The following WLS variants were observed in gnomAD, a reference collection of about 807,000 sequenced individuals.
The protein encoded by WLS is Wnt ligand secretion mediator.
In WLS, 23 loss-of-function variants were observed where a neutral mutation model predicts 62.8. That is an observed-to-expected ratio of 0.37 (90% CI 0.26 to 0.52). WLS has a LOEUF of 0.52. WLS is among the 20% of genes least tolerant of loss of function. The pLI is 0.92. For missense variants in WLS, 615 were observed against 697.3 expected (o/e 0.88, Z 1.33); for synonymous variants, 246 against 244.1 (o/e 1.01, Z -0.07).
At chr1:68,191,555 C>T (rs916428959) in intron 2 of WLS, among the ~76,000 whole-genome samples, 1 of 152,140 alleles carries the variant, frequency 6.6e-6, no homozygotes, top group Non-Finnish European at 1.5e-5. Context: ...GTTTTCCAGG[C>T]ACCCTCTTCC....
intron 2 of WLS, chr1:68,162,460 G>C (rs1216816569): frequency 6.2e-7 from 1 of 1,613,766 alleles, no homozygotes; most frequent in African/African-American, 1.3e-5. Flanking sequence ...CTGCAAGTAG[G>C]GGTCATAAAA....
chr1:68,155,030 A>G, intron 4 of WLS, 69 bp downstream of exon 4: 1 of 1,525,098 alleles, frequency 6.6e-7, no homozygotes, highest in African/African-American at 1.4e-5. Flanking sequence ...CAGGTGAGGC[A>G]TAGAGGTGCC....
chr1:68,210,047 A>G (rs1239335346), intron 1 of WLS, among the ~76,000 whole-genome samples: 1 of 152,182 alleles, frequency 6.6e-6, no homozygotes, highest in African/African-American at 2.4e-5. Flanking sequence ...TGTATGGACT[A>G]TTGTAGAGGT....
intron 2 of WLS, among the ~76,000 whole-genome samples, chr1:68,180,037 A>AGG (rs201495851): frequency 0.038 from 5,713 of 152,044 alleles, 346 homozygotes; most frequent in African/African-American, 0.13. Context: ...GGGGAAGTTA[A>AGG]GGCCAAGTTC....
intron 2 of WLS, among the ~76,000 whole-genome samples, chr1:68,182,055 T>A (rs1215344316): frequency 6.6e-6 from 1 of 152,222 alleles, no homozygotes; most frequent in African/African-American, 2.4e-5. Context: ...TTGTTAAGAC[T>A]AGAGACTAAT....
At position 68,152,511 on chromosome 1, in the gene WLS, C is replaced by G. The variant is rs376271651; in HGVS notation, c.803+1006G>C. ...GGAGACTCTGGGAAGAAAAACTGAT[C>G]AATTATGTCAGATGCTGGGATGAAT... On this transcript the variant is annotated intron_variant, in intron 5 of 11. Transcript: ENST00000262348. Among the ~76,000 whole-genome samples the G allele has an allele frequency of 3.9e-5, 6 of 151,960 alleles. No homozygotes were observed. In the East Asian group the frequency reaches 7.7e-4, roughly 20 times the overall value.
At chr1:68,143,698 A>T (rs989704511) in intron 10 of WLS, among the ~76,000 whole-genome samples, 8 of 152,198 alleles carry the variant, frequency 5.3e-5, no homozygotes, top group Non-Finnish European at 8.8e-5. Flanking sequence ...TTGTGTAAGT[A>T]CACTCTATGA....
Position 68,206,556 on chromosome 1 carries a change from T to C in WLS, c.107-12329A>G, listed in dbSNP as rs559677073. On this transcript the variant is annotated intron_variant, in intron 1 of 11. Coordinates refer to ENST00000262348, the MANE Select transcript of WLS (RefSeq NM_024911.7). ...GGTCTTTGTTATCATTATTATTCTATGGGCATTCTTCATATATAATATTTA... is the reference window on the plus strand; with the variant it reads ...GGTCTTTGTTATCATTATTATTCTACGGGCATTCTTCATATATAATATTTA... Among the ~76,000 whole-genome samples, 3 of 152,324 alleles carry C rather than the reference T, an allele frequency of 2.0e-5. No individual in the cohort carries two copies. The South Asian group carries it at 6.2e-4, about 32-fold the overall frequency.
At chr1:68,104,444 T>A (rs1344212664) in intron 11 of WLS, among the ~76,000 whole-genome samples, 1 of 152,166 alleles carries the variant, frequency 6.6e-6, no homozygotes, top group African/African-American at 2.4e-5. Flanking sequence ...TGCTGACTCA[T>A]GTTGAGCTCT....
chr1:68,143,729 C>T (rs1646717275), intron 10 of WLS, among the ~76,000 whole-genome samples: 2 of 152,140 alleles, frequency 1.3e-5, no homozygotes, highest in South Asian at 4.1e-4. Flanking sequence ...ATGAGGAACT[C>T]ACATAATGAT....
chr1:68,182,531 A>G (rs994987948), intron 2 of WLS, among the ~76,000 whole-genome samples: 3 of 152,232 alleles, frequency 2.0e-5, no homozygotes, highest in Non-Finnish European at 4.4e-5. Context: ...GTTGCTTTCT[A>G]TACCAAGTCA....
intron 11 of WLS, among the ~76,000 whole-genome samples, chr1:68,127,419 TC>T (rs1646449866): frequency 6.6e-6 from 1 of 152,188 alleles, no homozygotes. Context: ...TGGACAGTGT[TC>T]TGCTAAAATG....
intron 1 of WLS, among the ~76,000 whole-genome samples, chr1:68,229,574 G>A (rs999910382): frequency 9.9e-5 from 15 of 152,094 alleles, no homozygotes; most frequent in African/African-American, 3.1e-4. Flanking sequence ...TACTGTCTCC[G>A]CTTGCCCACT....
intron 6 of WLS, among the ~76,000 whole-genome samples, 153 bp from the exon 7 acceptor site, chr1:68,148,813 T>G (rs1646787552): frequency 6.6e-6 from 1 of 151,856 alleles, no homozygotes; most frequent in Non-Finnish European, 1.5e-5. Context: ...AAGATGAAAA[T>G]CTCTTCTTCA....
chr1:68,128,628 T>C (rs2100387368), intron 11 of WLS, among the ~76,000 whole-genome samples: 1 of 152,312 alleles, frequency 6.6e-6, no homozygotes, highest in Middle Eastern at 3.4e-3. Flanking sequence ...AATTAGCAGA[T>C]CTTAGAATAT....
chr1:68,205,408 A>G (rs1305146873), intron 1 of WLS, among the ~76,000 whole-genome samples: 2 of 152,330 alleles, frequency 1.3e-5, no homozygotes, highest in East Asian at 3.9e-4. Context: ...TTTAAAAAAA[A>G]CTGCTCCCAA....
chr1:68,098,962 C>T, intron 11 of WLS: 1 of 638,848 alleles, frequency 1.6e-6, no homozygotes, highest in Non-Finnish European at 2.4e-6. Flanking sequence ...AATAGCACCT[C>T]CTCCCTCAAT....
At chr1:68,158,618 T>A (rs529163305) in intron 3 of WLS, among the ~76,000 whole-genome samples, 110 of 151,172 alleles carry the variant, frequency 7.3e-4, no homozygotes, top group African/African-American at 2.4e-3. Flanking sequence ...CAAAAAGAAA[T>A]TATAATGTTT....
At chr1:68,140,432 C>T (rs115482846) in intron 10 of WLS, among the ~76,000 whole-genome samples, 1,877 of 152,314 alleles carry the variant, frequency 0.012, 26 homozygotes, top group Non-Finnish European at 0.021. Flanking sequence ...TACATGCACA[C>T]ATTTGTCTAT....
Sources: gnomAD v4.1 joint callset for allele counts (sites outside exome capture counted in the v4.1 genomes callset) on GRCh38, gnomAD v4.1.1 for gene constraint, MANE v1.5 for transcripts, NCBI Gene and HGNC (gene_info 2026-07-23, HGNC 2026-07-21) for gene names.